Variants in EGFR observed in about 807,000 individuals in gnomAD.
EGFR encodes avian erythroblastic leukemia viral (v-erb-b) oncogene homolog.
In EGFR, 58 loss-of-function variants were observed where a neutral mutation model predicts 143.0. That is an observed-to-expected ratio of 0.41 (90% CI 0.33 to 0.50). The LOEUF (loss-of-function observed/expected upper bound fraction) is 0.50. EGFR is among the 20% of genes least tolerant of loss of function. EGFR has a pLI of 0.39. For synonymous variants in EGFR, 613 were observed against 594.4 expected, an observed-to-expected ratio of 1.03 and a Z score of -0.45; for missense variants, 1,307 against 1,579.0, an observed-to-expected ratio of 0.83 and a Z score of 2.92.
At chr7:55,020,403 G>T (rs1282713976) in intron 1 of EGFR, among the ~76,000 whole-genome samples, 1 of 152,212 alleles carries the variant, frequency 6.6e-6, no homozygotes, top group South Asian at 2.1e-4. Flanking sequence ...ACTCTTGAGC[G>T]GAAGCCCCGG....
At chr7:55,152,355 T>G (rs1207227460) in intron 5 of EGFR, 191 bp from the exon 6 acceptor site, 1 of 764,646 alleles carries the variant, frequency 1.3e-6, no homozygotes, top group Admixed American at 1.7e-5. Flanking sequence ...TCTTAAGTGA[T>G]TAAAAATAAA....
chr7:55,090,249 G>A (rs1349760362), intron 1 of EGFR, among the ~76,000 whole-genome samples: 3 of 152,162 alleles, frequency 2.0e-5, no homozygotes, highest in African/African-American at 7.2e-5. Flanking sequence ...GTTTTCAGGA[G>A]CTGTACGTGC....
chr7:55,045,255 T>C (rs1045953995), intron 1 of EGFR, among the ~76,000 whole-genome samples: 2 of 152,372 alleles, frequency 1.3e-5, no homozygotes, highest in East Asian at 1.9e-4. Context: ...TTATGAGTTA[T>C]TGCTCTCTCT....
At chr7:55,194,612 G>T (rs1335867969) in intron 22 of EGFR, among the ~76,000 whole-genome samples, 4 of 152,100 alleles carry the variant, frequency 2.6e-5, no homozygotes, top group Non-Finnish European at 4.4e-5. Context: ...GGGCCATCTG[G>T]CCCTGGCAAC....
chr7:55,177,702 C>A (rs1355714046), intron 19 of EGFR, among the ~76,000 whole-genome samples: 1 of 152,206 alleles, frequency 6.6e-6, no homozygotes, highest in Admixed American at 6.5e-5. Flanking sequence ...AAATAACAGG[C>A]TTTCAAGGTC....
chr7:55,203,409 TAC>T (rs1787950826), intron 27 of EGFR, among the ~76,000 whole-genome samples: 1 of 113,792 alleles, frequency 8.8e-6, no homozygotes, highest in African/African-American at 3.7e-5. Context: ...CACACACACG[TAC>T]ACACAACACA....
chr7:55,052,357 T>C (rs1788538484), intron 1 of EGFR, among the ~76,000 whole-genome samples: 2 of 152,262 alleles, frequency 1.3e-5, no homozygotes, highest in Admixed American at 6.5e-5. Context: ...CAGGAGATGA[T>C]GCATCCACAG....
chr7:55,121,636 C>T (rs1793213293), intron 1 of EGFR, among the ~76,000 whole-genome samples: 1 of 152,136 alleles, frequency 6.6e-6, no homozygotes, highest in African/African-American at 2.4e-5. Flanking sequence ...CAGAGAATTA[C>T]CATAAAAAAC....
intron 1 of EGFR, among the ~76,000 whole-genome samples, chr7:55,082,152 T>C (rs1225383180): frequency 6.6e-6 from 1 of 152,184 alleles, no homozygotes; most frequent in East Asian, 1.9e-4. Context: ...GGATCAGTGA[T>C]CAAACCAAAG....
At chr7:55,063,743 G>A (rs1335392426) in intron 1 of EGFR, among the ~76,000 whole-genome samples, 6 of 152,208 alleles carry the variant, frequency 3.9e-5, no homozygotes, top group Admixed American at 1.3e-4. Flanking sequence ...AAAGGATGGA[G>A]TGGCAGATGA....
intron 1 of EGFR, among the ~76,000 whole-genome samples, chr7:55,020,958 G>A (rs889608717): frequency 1.3e-4 from 19 of 151,844 alleles, no homozygotes; most frequent in African/African-American, 4.1e-4. Context: ...ATTGGCATGG[G>A]GCAAGACCTG....
chr7:55,112,532 C>T (rs1792570478), intron 1 of EGFR, among the ~76,000 whole-genome samples: 1 of 152,234 alleles, frequency 6.6e-6, no homozygotes. Context: ...GGGCTGATCT[C>T]ACAGTAGACA....
chr7:55,190,727 A>G (rs916001456), intron 20 of EGFR, among the ~76,000 whole-genome samples: 2 of 152,162 alleles, frequency 1.3e-5, no homozygotes, highest in Non-Finnish European at 2.9e-5. Flanking sequence ...CATAAAGGGA[A>G]CTAGAAAGGT....
chr7:55,165,353 T>C lies in EGFR; in HGVS notation c.1796T>C (p.Val599Ala), dbSNP rs1206543227. Residue 599 changes from valine (V) to alanine (A), a missense_variant, in exon 15 of 28, where the codon GTC (valine) becomes GCC (alanine). Val to Ala is a moderately conservative substitution (Grantham distance 64). Transcript: ENST00000275493. ...PHCVKTCPAG[V>A]MGENNTLVWK... The stretch of plus-strand genomic sequence containing the variant: ...TGCGTCAAGACCTGCCCGGCAGGAG[T>C]CATGGGAGAAAACAACACCCTGGTC... 1 of 1,613,820 alleles carries C rather than the reference T, an allele frequency of 6.2e-7. No homozygotes were observed. The highest frequency in any genetic ancestry group is 8.5e-7 in the Non-Finnish European group (1 of 1,179,984).
At position 55,208,858 on chromosome 7, in the gene EGFR, G is replaced by A. The variant is rs1042825923; in HGVS notation, c.*3241G>A. The A allele has an allele frequency of 1.3e-5, 2 of 152,206 alleles. No homozygotes were observed. Among genetic ancestry groups the A allele is most frequent in the African/African-American group, 4.8e-5 (2 of 41,454 alleles). 9.4% of individuals were successfully genotyped at this position (152,206 alleles called of 1,614,324 possible). Reference sequence around the variant, plus strand: ...GGAATCTTCTGGTCCCAACCAGAAAGACTGTGGCTTGATTTTCTCAGGTGC... The same window carrying A: ...GGAATCTTCTGGTCCCAACCAGAAAAACTGTGGCTTGATTTTCTCAGGTGC... On this transcript the variant is annotated 3_prime_UTR_variant, in exon 28 of 28. Transcript: ENST00000275493.
chr7:55,083,602 A>C (rs1790594038), intron 1 of EGFR, among the ~76,000 whole-genome samples: 1 of 152,278 alleles, frequency 6.6e-6, no homozygotes, highest in Admixed American at 6.5e-5. Context: ...GCATGTGTGT[A>C]CAATTAATAT....
At chr7:55,092,906 T>C (rs1216067806) in intron 1 of EGFR, among the ~76,000 whole-genome samples, 1 of 152,264 alleles carries the variant, frequency 6.6e-6, no homozygotes, top group Non-Finnish European at 1.5e-5. Context: ...CATTAGGAAT[T>C]TGGAGGGCTT....
intron 1 of EGFR, among the ~76,000 whole-genome samples, chr7:55,123,607 C>T (rs781677479): frequency 2.8e-4 from 42 of 152,136 alleles, no homozygotes; most frequent in Admixed American, 9.8e-4. Flanking sequence ...GCTTGAGGGT[C>T]TCCATCTCAC....
intron 1 of EGFR, among the ~76,000 whole-genome samples, chr7:55,042,465 G>A (rs144171067): frequency 7.2e-5 from 11 of 152,256 alleles, no homozygotes; most frequent in Middle Eastern, 3.4e-3. Context: ...ATGTCCATTT[G>A]GTTCTGTGAC....
Sources: gnomAD v4.1 joint callset for allele counts (sites outside exome capture counted in the v4.1 genomes callset) on GRCh38, gnomAD v4.1.1 for gene constraint, MANE v1.5 for transcripts, NCBI Gene and HGNC (gene_info 2026-07-23, HGNC 2026-07-21) for gene names.